ZNF148: variants seen among roughly 807,000 people sequenced by gnomAD.
The protein encoded by ZNF148 is zinc finger protein 148.
Under a neutral mutation model 67.7 loss-of-function variants are expected in ZNF148, and 7 were observed. The observed-to-expected ratio is 0.10, with a 90% CI of 0.06 to 0.19. The LOEUF (loss-of-function observed/expected upper bound fraction) is 0.19. ZNF148 is among the 10% of genes least tolerant of loss of function. The probability of loss-of-function intolerance (pLI) is 1.00; values close to 1 mark genes in which losing one functional copy is unlikely to be tolerated. For synonymous variants in ZNF148, 333 were observed against 330.7 expected, an observed-to-expected ratio of 1.01 and a Z score of -0.08; for missense variants, 583 against 947.1, an observed-to-expected ratio of 0.62 and a Z score of 5.05.
At chr3:125,285,527 T>C (rs73195452) in intron 5 of ZNF148, among the ~76,000 whole-genome samples, 12,404 of 151,998 alleles carry the variant, frequency 0.082, 607 homozygotes, top group Non-Finnish European at 0.098. Flanking sequence ...GCCAGGACAA[T>C]TGAAAAATAA....
In ZNF148 at chr3:125,274,810, G is replaced by A. The variant is rs557019743; in HGVS notation, c.667+2916C>T. ...AGATGGTTTTCACCAACCTTTGAGG[G>A]TCGGTTAGGTGACTCATTACTCATT... On this transcript the variant is annotated intron_variant, in intron 7 of 8. Transcript: ENST00000360647. Among the ~76,000 whole-genome samples, 3 of 152,310 alleles carry A rather than the reference G, an allele frequency of 2.0e-5. No individual in the cohort carries two copies. The South Asian group carries it at 6.2e-4, about 32-fold the overall frequency.
intron 4 of ZNF148, among the ~76,000 whole-genome samples, chr3:125,304,019 A>T (rs2107655085): frequency 6.6e-6 from 1 of 152,054 alleles, no homozygotes; most frequent in South Asian, 2.1e-4. Flanking sequence ...AATCTATATA[A>T]TTTTAAAATA....
intron 7 of ZNF148, among the ~76,000 whole-genome samples, chr3:125,258,267 CAAAAAAA>C (rs940579478): frequency 6.6e-6 from 1 of 150,952 alleles, no homozygotes. Flanking sequence ...CTAAAAAATA[CAAAAAAA>C]ATTAGCCGGG....
intron 3 of ZNF148, among the ~76,000 whole-genome samples, chr3:125,320,754 A>G (rs1201431391): frequency 1.3e-5 from 2 of 152,314 alleles, no homozygotes; most frequent in Admixed American, 6.5e-5. Context: ...ACTCAAAGGA[A>G]CTTGTTCTGA....
chr3:125,291,635 G>C (rs1939021018), intron 4 of ZNF148, among the ~76,000 whole-genome samples: 1 of 152,014 alleles, frequency 6.6e-6, no homozygotes, highest in African/African-American at 2.4e-5. Flanking sequence ...GACACTACTA[G>C]CTACTTCTTC....
chr3:125,261,875 A>G (rs972174878), intron 7 of ZNF148, among the ~76,000 whole-genome samples: 1 of 149,568 alleles, frequency 6.7e-6, no homozygotes, highest in Non-Finnish European at 1.5e-5. Flanking sequence ...AAATAATATT[A>G]AGCTTTGTAG....
intron 1 of ZNF148, among the ~76,000 whole-genome samples, chr3:125,340,171 T>A (rs1249300331): frequency 6.6e-6 from 1 of 152,182 alleles, no homozygotes; most frequent in Non-Finnish European, 1.5e-5. Context: ...AATCCAGACC[T>A]GGCATTTCCC....
chr3:125,337,695 TCACA>T (rs1181153097), intron 1 of ZNF148, among the ~76,000 whole-genome samples: 3 of 152,160 alleles, frequency 2.0e-5, no homozygotes, highest in African/African-American at 7.2e-5. Flanking sequence ...CCCTAAACAC[TCACA>T]CACAACTATC....
At chr3:125,287,555 C>G (rs945534711) in intron 5 of ZNF148, among the ~76,000 whole-genome samples, 6 of 152,150 alleles carry the variant, frequency 3.9e-5, no homozygotes, top group African/African-American at 1.4e-4. Flanking sequence ...AGGAGGATCC[C>G]TTGAGACTGG....
intron 1 of ZNF148, among the ~76,000 whole-genome samples, chr3:125,339,807 T>A (rs1054004031): frequency 6.6e-6 from 1 of 152,154 alleles, no homozygotes; most frequent in Non-Finnish European, 1.5e-5. Flanking sequence ...AAATTAAAAA[T>A]TAAAAATAAA....
chr3:125,244,291 T>C (rs1936497581), intron 7 of ZNF148, among the ~76,000 whole-genome samples: 1 of 152,176 alleles, frequency 6.6e-6, no homozygotes, highest in South Asian at 2.1e-4. Flanking sequence ...AGGTAAACTA[T>C]ATATGAGAGA....
At chr3:125,341,730 C>T (rs1035849050) in intron 1 of ZNF148, among the ~76,000 whole-genome samples, 1 of 152,156 alleles carries the variant, frequency 6.6e-6, no homozygotes, top group South Asian at 2.1e-4. Flanking sequence ...CATGGTGGCT[C>T]GTGCCTGTAA....
At chr3:125,326,487 A>C (rs1456086795) in intron 2 of ZNF148, among the ~76,000 whole-genome samples, 3 of 151,916 alleles carry the variant, frequency 2.0e-5, no homozygotes, top group African/African-American at 7.2e-5. Context: ...CTTTAAAAAT[A>C]TAGTTAAAAA....
At chr3:125,241,976 A>G (rs1207708059) in intron 7 of ZNF148, among the ~76,000 whole-genome samples, 2 of 152,174 alleles carry the variant, frequency 1.3e-5, no homozygotes, top group Non-Finnish European at 2.9e-5. Context: ...CAGGAGGTGG[A>G]TGGAGCCATC....
chr3:125,370,138 T>TGATTTA (rs575011444), intron 1 of ZNF148, among the ~76,000 whole-genome samples: 1 of 152,182 alleles, frequency 6.6e-6, no homozygotes, highest in African/African-American at 2.4e-5. Flanking sequence ...AGCACCCTGC[T>TGATTTA]ACAGACCAGA....
chr3:125,265,636 T>C (rs1381636641), intron 7 of ZNF148, among the ~76,000 whole-genome samples: 4 of 152,222 alleles, frequency 2.6e-5, no homozygotes, highest in East Asian at 1.9e-4. Context: ...CCTCTATCCA[T>C]TGATAAAGAA....
chr3:125,367,859 A>C (rs1415579644), intron 1 of ZNF148, among the ~76,000 whole-genome samples: 2 of 152,244 alleles, frequency 1.3e-5, no homozygotes, highest in East Asian at 3.8e-4. Flanking sequence ...ACGAAGACGG[A>C]AAACAGACCC....
At chr3:125,326,475 A>G (rs1440931933) in intron 2 of ZNF148, among the ~76,000 whole-genome samples, 1 of 151,854 alleles carries the variant, frequency 6.6e-6, no homozygotes, top group Non-Finnish European at 1.5e-5. Flanking sequence ...CAAAGAAAAT[A>G]TCTTTAAAAA....
At chr3:125,270,885 A>G (rs1937695956) in intron 7 of ZNF148, among the ~76,000 whole-genome samples, 1 of 152,166 alleles carries the variant, frequency 6.6e-6, no homozygotes, top group South Asian at 2.1e-4. Context: ...CTGAAAACAA[A>G]AAAAGTATTT....
Sources: gnomAD v4.1 joint callset for allele counts (sites outside exome capture counted in the v4.1 genomes callset) on GRCh38, gnomAD v4.1.1 for gene constraint, MANE v1.5 for transcripts, NCBI Gene and HGNC (gene_info 2026-07-23, HGNC 2026-07-21) for gene names.